Variants in PRKN observed in about 807,000 individuals in gnomAD.
PRKN encodes the protein E3 ubiquitin-protein ligase parkin.
In PRKN, 56 loss-of-function variants were observed where a neutral mutation model predicts 59.5. The ratio of observed to expected loss-of-function variants is 0.94; its 90% confidence interval spans 0.76 to 1.18. PRKN has a LOEUF of 1.18. Among genes scored for constraint, PRKN ranks in the 50% most tolerant of loss-of-function variants. The probability of loss-of-function intolerance (pLI) is 0.00; values close to 1 mark genes in which losing one functional copy is unlikely to be tolerated. For synonymous variants in PRKN, 250 were observed against 222.1 expected (o/e 1.13, Z -1.12); for missense variants, 657 against 596.4 (o/e 1.10, Z -1.06).
intron 2 of PRKN, among the ~76,000 whole-genome samples, chr6:162,368,652 G>A (rs1785582225): frequency 6.6e-6 from 1 of 152,114 alleles, no homozygotes; most frequent in Non-Finnish European, 1.5e-5. Context: ...ACTTCTCACT[G>A]AATGTATAGA....
intron 5 of PRKN, among the ~76,000 whole-genome samples, chr6:161,996,287 G>A (rs1180341974): frequency 1.3e-5 from 2 of 152,132 alleles, no homozygotes. Context: ...AGCAAAATAA[G>A]CCAGGCACTG....
At chr6:161,957,428 G>GTTTTT (rs1173230705) in intron 6 of PRKN, among the ~76,000 whole-genome samples, 1 of 99,558 alleles carries the variant, frequency 1.0e-5, no homozygotes, top group Non-Finnish European at 2.1e-5. Flanking sequence ...TTGTTTGTTT[G>GTTTTT]TTTGTTTGTT....
intron 1 of PRKN, among the ~76,000 whole-genome samples, chr6:162,668,118 T>C (rs1218314675): frequency 2.0e-5 from 3 of 152,222 alleles, no homozygotes; most frequent in Non-Finnish European, 4.4e-5. Flanking sequence ...AGAGTAATAA[T>C]TTTCCCCTGG....
intron 9 of PRKN, among the ~76,000 whole-genome samples, chr6:161,481,488 CAGCT>C (rs1375219918): frequency 1.3e-5 from 2 of 152,032 alleles, no homozygotes; most frequent in African/African-American, 4.8e-5. Context: ...CCTGTAGTCC[CAGCT>C]ACTCCGGAGG....
intron 9 of PRKN, among the ~76,000 whole-genome samples, chr6:161,416,035 C>G (rs1490356308): frequency 6.6e-6 from 1 of 152,154 alleles, no homozygotes; most frequent in African/African-American, 2.4e-5. Flanking sequence ...TCAACCTGCT[C>G]TTCCCATCCT....
intron 1 of PRKN, among the ~76,000 whole-genome samples, chr6:162,615,731 AG>A (rs748123228): frequency 6.6e-6 from 1 of 152,222 alleles, no homozygotes; most frequent in Non-Finnish European, 1.5e-5. Flanking sequence ...TCTGCTTTAC[AG>A]GAACTGAAAA....
chr6:162,103,477 A>G (rs187730427), intron 4 of PRKN, among the ~76,000 whole-genome samples: 16 of 152,346 alleles, frequency 1.1e-4, no homozygotes, highest in Admixed American at 8.5e-4. Context: ...ATAATAGTCC[A>G]TAACTTTACT....
At position 161,470,100 on chromosome 6, in the gene PRKN, C is replaced by T. The variant is rs150865558; in HGVS notation, c.1083+78754G>A. Among the ~76,000 whole-genome samples, 653 of 152,294 alleles carry T rather than the reference C, an allele frequency of 4.3e-3. 4 individuals carry two copies. The highest frequency in any genetic ancestry group is 7.9e-3 in the South Asian group (38 of 4,816). The stretch of plus-strand genomic sequence containing the variant: ...TTTAATAGAAGAGGAAAGTGAGCCA[C>T]AGAGAAGTTAATTTGCTCAAAATTG... On this transcript the variant is annotated intron_variant, in intron 9 of 11. Transcript: ENST00000366898. The surrounding 1 kb of genome is among the most constrained non-coding windows in gnomAD (Gnocchi z 5.1).
intron 9 of PRKN, among the ~76,000 whole-genome samples, chr6:161,493,074 T>A (rs1345728375): frequency 1.3e-5 from 2 of 152,260 alleles, no homozygotes; most frequent in East Asian, 3.9e-4. Flanking sequence ...ATAAAAATAA[T>A]AAAGTAGCTT....
Position 161,593,182 on chromosome 6 carries a change from G to A in PRKN, c.872-23766C>T, listed in dbSNP as rs770087734. On this transcript the variant is annotated intron_variant, in intron 7 of 11. Coordinates refer to ENST00000366898, the MANE Select transcript of PRKN (RefSeq NM_004562.3). The surrounding 1 kb of genome is among the most constrained non-coding windows in gnomAD (Gnocchi z 4.8). ...AAAATAATTACGAACTAATAATAACGACAATCATTATGAACTAATAACATC... is the reference window on the plus strand; with the variant it reads ...AAAATAATTACGAACTAATAATAACAACAATCATTATGAACTAATAACATC... Among the ~76,000 whole-genome samples the A allele has an allele frequency of 2.0e-5, 3 of 152,084 alleles. No homozygotes were observed. The highest frequency in any genetic ancestry group is 7.2e-5 in the African/African-American group (3 of 41,408).
chr6:162,421,273 A>G (rs1191540775), intron 2 of PRKN, among the ~76,000 whole-genome samples: 1 of 110,574 alleles, frequency 9.0e-6, no homozygotes, highest in Non-Finnish European at 1.9e-5. Flanking sequence ...ATACTTGCCT[A>G]ACATTATTAC....
intron 5 of PRKN, among the ~76,000 whole-genome samples, chr6:161,995,894 C>T (rs1781823101): frequency 6.6e-6 from 1 of 152,124 alleles, no homozygotes; most frequent in Non-Finnish European, 1.5e-5. Flanking sequence ...GTAATCCCAG[C>T]ACTTTGGGAG....
chr6:161,639,435 A>G (rs993269823), intron 7 of PRKN, among the ~76,000 whole-genome samples: 10 of 152,158 alleles, frequency 6.6e-5, no homozygotes, highest in Admixed American at 1.3e-4. Context: ...GGTAGCAGAA[A>G]CACTCCTGGC....
intron 7 of PRKN, among the ~76,000 whole-genome samples, chr6:161,597,565 A>G (rs1291034994): frequency 1.3e-5 from 2 of 152,178 alleles, no homozygotes; most frequent in Non-Finnish European, 2.9e-5. Context: ...AGATTCTTCC[A>G]CATTCCCGGA....
Position 161,527,773 on chromosome 6 carries a change from C to T in PRKN, c.1083+21081G>A, listed in dbSNP as rs1272843288. ...CGGCTCTCCAGTCTTCTTTATTAGA[C>T]TGGCCTCTACAGGGCTGGAGTCTCT... is the stretch of plus-strand genomic sequence containing the variant. On this transcript the variant is annotated intron_variant, in intron 9 of 11. Transcript: ENST00000366898. The surrounding 1 kb of genome is among the most constrained non-coding windows in gnomAD (Gnocchi z 4.6). 1.3e-5 allele frequency among the ~76,000 whole-genome samples: 2 copies of T among 152,212 alleles called. No homozygotes were observed. The highest frequency in any genetic ancestry group is 2.9e-5 in the Non-Finnish European group (2 of 68,048).
chr6:161,547,092 A>G lies in PRKN; in HGVS notation c.1083+1762T>C, dbSNP rs181194167. ...TGATTCCTGACTCTCAGAAACTGTG[A>G]GATGATACATTTCTATCATGTTAAA... On this transcript the variant is annotated intron_variant, in intron 9 of 11. Transcript: ENST00000366898. This position sits in a 1 kb window ranked among gnomAD's most constrained non-coding sequence, Gnocchi z 4.0. Among the ~76,000 whole-genome samples, 15 of 152,310 alleles carry G rather than the reference A, an allele frequency of 9.8e-5. No individual in the cohort carries two copies. The East Asian group carries it at 2.9e-3, about 29-fold the overall frequency.
intron 8 of PRKN, 147 bp downstream of exon 8, chr6:161,569,208 T>G: frequency 5.6e-6 from 4 of 719,280 alleles, no homozygotes; most frequent in Non-Finnish European, 1.0e-5. Context: ...AAAAGTGTCC[T>G]CACACATATC....
intron 6 of PRKN, among the ~76,000 whole-genome samples, chr6:161,874,174 ATATATTAT>A (rs1794508289): frequency 1.6e-5 from 1 of 62,024 alleles, no homozygotes; most frequent in African/African-American, 7.9e-5. Flanking sequence ...AATATATAAT[ATATATTAT>A]ATATAATATA....
intron 5 of PRKN, among the ~76,000 whole-genome samples, chr6:161,992,295 G>A (rs1046036258): frequency 2.2e-4 from 33 of 152,034 alleles, no homozygotes; most frequent in African/African-American, 6.0e-4. Flanking sequence ...AACTGAGATC[G>A]AGCCACAGCA....
Sources: allele counts gnomAD v4.1 joint callset (sites outside exome capture counted in the v4.1 genomes callset), GRCh38; gene constraint gnomAD v4.1.1; non-coding constraint Gnocchi (gnomAD v3.1); transcripts MANE v1.5; gene names NCBI Gene and HGNC (gene_info 2026-07-23, HGNC 2026-07-21).